CLSTN1: variants seen among roughly 807,000 people sequenced by gnomAD.
The protein encoded by CLSTN1 is calsyntenin-1.
A neutral mutation model predicts 108.3 loss-of-function variants in CLSTN1; 28 were observed. The observed-to-expected ratio is 0.26, with a 90% confidence interval of 0.19 to 0.35. CLSTN1 has a LOEUF of 0.35. Among genes scored for constraint, CLSTN1 ranks in the 10% least tolerant of loss-of-function variants. The pLI, the probability that CLSTN1 is intolerant of heterozygous loss-of-function variation, is 1.00. For synonymous variants in CLSTN1, 524 were observed against 534.9 expected (o/e 0.98, Z 0.28); for missense variants, 1,157 against 1,302.6 (o/e 0.89, Z 1.72).
chr1:9,738,964 T>C (rs143160636), intron 10 of CLSTN1, among the ~76,000 whole-genome samples: 30 of 152,224 alleles, frequency 2.0e-4, no homozygotes, highest in African/African-American at 7.2e-4. Context: ...CTTTCATAAA[T>C]TTCTAACCTT....
intron 1 of CLSTN1, 144 bp from the exon 2 acceptor site, chr1:9,773,538 T>C (rs1160933165): frequency 2.6e-6 from 2 of 757,434 alleles, no homozygotes; most frequent in South Asian, 2.8e-5. Flanking sequence ...GTCGCAAAAT[T>C]TGGTATCAAG....
At chr1:9,751,895 G>C (rs921348287) in intron 4 of CLSTN1, among the ~76,000 whole-genome samples, 3 of 152,094 alleles carry the variant, frequency 2.0e-5, no homozygotes, top group African/African-American at 7.2e-5. Flanking sequence ...AGTTAAAAGA[G>C]GGATTTGGGT....
chr1:9,739,343 C>A (rs766856305), intron 10 of CLSTN1, among the ~76,000 whole-genome samples: 4 of 152,214 alleles, frequency 2.6e-5, no homozygotes, highest in Non-Finnish European at 4.4e-5. Flanking sequence ...GTTGGACCTG[C>A]TGCTAAAGCT....
At chr1:9,774,741 C>T (rs368186164) in intron 1 of CLSTN1, among the ~76,000 whole-genome samples, 21 of 151,816 alleles carry the variant, frequency 1.4e-4, no homozygotes, top group Admixed American at 5.3e-4. Flanking sequence ...GGGGCAAGTC[C>T]ACAGAGTCAA....
intron 11 of CLSTN1, among the ~76,000 whole-genome samples, chr1:9,736,881 T>G (rs890446385): frequency 6.6e-6 from 1 of 152,062 alleles, no homozygotes; most frequent in Non-Finnish European, 1.5e-5. Flanking sequence ...GAGACCAGCC[T>G]GGCGAACATG....
rs1650641410 is a variant in CLSTN1 at position 9,735,598 on chromosome 1, G to A, written c.1752C>T (p.Ser584=). The A allele has an allele frequency of 6.2e-7, 1 of 1,614,106 alleles. No homozygotes were observed. Among genetic ancestry groups the A allele is most frequent in the Admixed American group, 1.7e-5 (1 of 60,012 alleles). ...GRGVQIQAHP[S]QLVLTLEGED... ...CTCCCTCCAAGGTCAATACCAACTG[G>A]CTGGGGTGTGCTTGGATCTGAAATC... The change falls in exon 13 of 19, where the codon AGC becomes AGT. Residue 584 remains serine, a synonymous_variant. Coordinates refer to ENST00000377298, the MANE Select transcript of CLSTN1 (RefSeq NM_001009566.3).
rs749096532 is a variant in CLSTN1, at chr1:9,744,372, C to T, written c.1234+23G>A. ...CCTACTGGACACTGGGGCCTGGCAT[C>T]GCTTGCAGAGCTATTACCCTACCTG... On this transcript the variant is annotated intron_variant, in intron 8 of 18. Transcript: ENST00000377298. The T allele has an allele frequency of 7.6e-6, 12 of 1,587,640 alleles. 1 individual carries two copies. The highest frequency in any genetic ancestry group is 2.3e-5 in the South Asian group (2 of 88,768).
At chr1:9,774,796 A>G (rs1316167628) in intron 1 of CLSTN1, among the ~76,000 whole-genome samples, 1 of 151,830 alleles carries the variant, frequency 6.6e-6, no homozygotes, top group Non-Finnish European at 1.5e-5. Flanking sequence ...AAGAATGGCT[A>G]CTCCACAGGC....
At chr1:9,824,137 G>A (rs1454288184), upstream of CLSTN1, 1 of 146,326 alleles carries the variant, frequency 6.8e-6, no homozygotes, top group Non-Finnish European at 1.5e-5. This position sits in a 1 kb window ranked among gnomAD's most constrained non-coding sequence, Gnocchi z 5.0. Flanking sequence ...CGGCGGACCC[G>A]GCAGCGGGCG....
chr1:9,731,468 C>T (rs1362270449), intron 17 of CLSTN1, 78 bp from the exon 18 acceptor site: 3 of 1,472,854 alleles, frequency 2.0e-6, no homozygotes, highest in East Asian at 4.7e-5. Flanking sequence ...CTCGGCTGTG[C>T]CTGGTCAAAA....
At chr1:9,776,330 G>A (rs1009901051) in intron 1 of CLSTN1, among the ~76,000 whole-genome samples, 3 of 152,148 alleles carry the variant, frequency 2.0e-5, no homozygotes, top group African/African-American at 7.2e-5. Flanking sequence ...TCCAAGCCAA[G>A]AGCAAATCCT....
rs1654948305 is a variant in CLSTN1 at position 9,815,866 on chromosome 1, G to A, written c.91+7777C>T. 3.3e-5 allele frequency among the ~76,000 whole-genome samples: 5 copies of A among 152,190 alleles called. No homozygotes were observed. In the South Asian group the frequency reaches 8.3e-4, roughly 25 times the overall value. On this transcript the variant is annotated intron_variant, in intron 1 of 18. Coordinates refer to ENST00000377298, the MANE Select transcript of CLSTN1 (RefSeq NM_001009566.3). ...CAGGAGAATCTCTTGAACCCAGGAG[G>A]CGGAGGCTGCAGTGAGCCAAGATAA...
In CLSTN1 at chr1:9,741,229, C is replaced by T. The variant is rs531192953; in HGVS notation, c.1384G>A (p.Val462Ile). The T allele has an allele frequency of 2.6e-5, 42 of 1,613,012 alleles. No homozygotes were observed. Among genetic ancestry groups the T allele is most frequent in the Middle Eastern group, 1.6e-4 (1 of 6,076 alleles). ...ACACTCGGGAATTCTACATTGAGGA[C>T]GTAGTGGTGCCATTCCTCATCACAG... is the stretch of plus-strand genomic sequence containing the variant. ...QVCDEEWHHYVLNVEFPSVTL... is the reference protein window; with the variant it reads ...QVCDEEWHHYILNVEFPSVTL... The change falls in exon 10 of 19, where the codon GTC becomes ATC. Residue 462 changes from valine to isoleucine, a missense_variant. By Grantham distance (29) the Val-to-Ile change is conservative (BLOSUM62 3). Coordinates refer to ENST00000377298, the MANE Select transcript of CLSTN1 (RefSeq NM_001009566.3).
chr1:9,808,677 G>C (rs896597393), intron 1 of CLSTN1, among the ~76,000 whole-genome samples: 1 of 152,046 alleles, frequency 6.6e-6, no homozygotes, highest in Non-Finnish European at 1.5e-5. Flanking sequence ...GACAGACTGA[G>C]TGGAGAAATA....
chr1:9,811,731 C>CAAAAAAAAAAAAAAA (rs34337087), intron 1 of CLSTN1, among the ~76,000 whole-genome samples: 1 of 78,844 alleles, frequency 1.3e-5, no homozygotes. Context: ...AAATGCATGG[C>CAAAAAAAAAAAAAAA]AAAAAAAAAA....
At position 9,823,777 on chromosome 1, in the gene CLSTN1, G is replaced by T; in HGVS notation, c.-44C>A. On this transcript the variant is annotated 5_prime_UTR_variant, in exon 1 of 19. Coordinates refer to ENST00000377298, the MANE Select transcript of CLSTN1 (RefSeq NM_001009566.3). The surrounding 1 kb of genome is among the most constrained non-coding windows in gnomAD (Gnocchi z 6.3). ...GCGGCAGGGAGGCGCGCGGGACGCC[G>T]AGCGGAGCTCTCGGAGCTCTCGGGG... The T allele has an allele frequency of 1.0e-6, 1 of 960,580 alleles. No individual in the cohort carries two copies. The highest frequency in any genetic ancestry group is 1.3e-6 in the Non-Finnish European group (1 of 798,932). 59.5% of individuals were successfully genotyped at this position (960,580 alleles called of 1,614,324 possible).
chr1:9,739,465 G>C (rs947497883), intron 10 of CLSTN1, among the ~76,000 whole-genome samples: 4 of 152,164 alleles, frequency 2.6e-5, no homozygotes, highest in African/African-American at 9.7e-5. Context: ...TGAATCCTAT[G>C]TATTTATTTT....
At chr1:9,763,805 G>C (rs1652195933) in intron 2 of CLSTN1, among the ~76,000 whole-genome samples, 1 of 151,958 alleles carries the variant, frequency 6.6e-6, no homozygotes, top group African/African-American at 2.4e-5. Flanking sequence ...TCCCACCTCT[G>C]CTCCCACCTC....
At position 9,741,183 on chromosome 1, in the gene CLSTN1, G is replaced by A. The variant is rs149973700; in HGVS notation, c.1430C>T (p.Thr477Met). 26 of 1,613,954 alleles carry A rather than the reference G, an allele frequency of 1.6e-5. No homozygotes were observed. The highest frequency in any genetic ancestry group is 6.7e-5 in the Admixed American group (4 of 59,990). ...FPSVTLYVDGTSHEPFSVTED... is the reference protein window; with the variant it reads ...FPSVTLYVDGMSHEPFSVTED... ...AGTCACAGAGAAGGGCTCGTGGGAC[G>A]TGCCATCCACATAGAGAGTCACACT... The change falls in exon 10 of 19, where the codon ACG becomes ATG. Residue 477 changes from threonine (T) to methionine (M), a missense_variant. Transcript: ENST00000377298.
Sources: allele counts gnomAD v4.1 joint callset (sites outside exome capture counted in the v4.1 genomes callset), GRCh38; gene constraint gnomAD v4.1.1; non-coding constraint Gnocchi (gnomAD v3.1); transcripts MANE v1.5; gene names NCBI Gene and HGNC (gene_info 2026-07-23, HGNC 2026-07-21).